Variants in MRPL44 observed in about 807,000 individuals in gnomAD.
MRPL44 encodes large ribosomal subunit protein mL44.
A neutral mutation model predicts 25.9 loss-of-function variants in MRPL44; 21 were observed. The ratio of observed to expected loss-of-function variants is 0.81; its 90% CI spans 0.58 to 1.17. The LOEUF is 1.17. Among genes scored for constraint, MRPL44 ranks in the 50% most tolerant of loss-of-function variants. The probability of loss-of-function intolerance (pLI) is 0.00; values close to 1 mark genes in which losing one functional copy is unlikely to be tolerated. For synonymous variants in MRPL44, 169 were observed against 151.0 expected (o/e 1.12, Z -0.87); for missense variants, 410 against 398.9 (o/e 1.03, Z -0.24).
chr2:223,967,257 G>A lies in MRPL44; in HGVS notation c.*223G>A. 1 of 489,832 alleles carries A rather than the reference G, an allele frequency of 2.0e-6. No homozygotes were observed. Among genetic ancestry groups the A allele is most frequent in the Non-Finnish European group, 3.6e-6 (1 of 281,026 alleles). The allele number at this position is 489,832 out of a possible 1,614,324, so 30.3% of individuals were successfully genotyped here. ...ATCTTTTTTTTTTTCTCTTGAGATG[G>A]AGTCTTACTCTGTCGCCCAGGCTGG... is the stretch of plus-strand genomic sequence containing the variant. On this transcript the variant is annotated 3_prime_UTR_variant, in exon 4 of 4. Transcript: ENST00000258383.
At chr2:223,952,152 C>G in the MRPL44 span, among the ~76,000 whole-genome samples, 1 of 152,226 alleles carries the variant, frequency 6.6e-6, no homozygotes. Flanking sequence ...ATGTCCCAGA[C>G]TCCCTAACCG....
At chr2:223,951,291 G>T in the MRPL44 span, among the ~76,000 whole-genome samples, 6 of 152,274 alleles carry the variant, frequency 3.9e-5, no homozygotes, top group Admixed American at 3.9e-4. Context: ...TACACAAAGA[G>T]AAATTATTTA....
rs148132624 is a variant in MRPL44 at position 223,959,110 on chromosome 2, A to G, written c.180-424A>G. ...GTATCCAGGAGAGTCCTTGGAACCA[A>G]TCCCCTACAGATATTGAGGGATGAC... is the stretch of plus-strand genomic sequence containing the variant. On this transcript the variant is annotated intron_variant, in intron 1 of 3. Coordinates refer to ENST00000258383, the MANE Select transcript of MRPL44 (RefSeq NM_022915.5). Among the ~76,000 whole-genome samples, 431 of 152,332 alleles carry G rather than the reference A, an allele frequency of 2.8e-3. 3 individuals are homozygous for G. Among genetic ancestry groups the G allele is most frequent in the African/African-American group, 0.01 (418 of 41,574 alleles).
At chr2:223,957,815 T>C (rs1402423227) in intron 1 of MRPL44, among the ~76,000 whole-genome samples, 164 bp downstream of exon 1, 1 of 151,890 alleles carries the variant, frequency 6.6e-6, no homozygotes, top group East Asian at 1.9e-4. Context: ...GCAAAAAAAA[T>C]GGATTTGTGC....
chr2:223,959,506 C>G, intron 1 of MRPL44, 28 bp from the exon 2 acceptor site: 1 of 1,532,954 alleles, frequency 6.5e-7, no homozygotes, highest in Non-Finnish European at 8.8e-7. Flanking sequence ...GTTCTCTTTA[C>G]CATCTCTTAC....
chr2:223,964,077 C>A, intron 3 of MRPL44, 143 bp downstream of exon 3: 1 of 597,726 alleles, frequency 1.7e-6, no homozygotes, highest in South Asian at 2.6e-5. Context: ...CTTCTAATTG[C>A]ATGAAAAGAT....
At chr2:223,957,430 C>G (rs774953865), upstream of MRPL44, 1 of 1,611,212 alleles carries the variant, frequency 6.2e-7, no homozygotes, top group Non-Finnish European at 8.5e-7. Context: ...GGGACACTGG[C>G]CCGACTACTT....
intron 1 of MRPL44, among the ~76,000 whole-genome samples, chr2:223,958,376 T>C (rs1467066572): frequency 6.6e-6 from 1 of 152,210 alleles, no homozygotes; most frequent in Non-Finnish European, 1.5e-5. Context: ...TGAAAGCTAT[T>C]AGTACTTTAA....
the MRPL44 span, among the ~76,000 whole-genome samples, chr2:223,952,365 C>T: frequency 4.6e-5 from 7 of 152,192 alleles, no homozygotes; most frequent in African/African-American, 7.2e-5. Context: ...TGGTCCCATT[C>T]GGCTCACCTA....
chr2:223,953,741 T>C (rs1360489166), upstream of MRPL44, among the ~76,000 whole-genome samples: 3 of 152,236 alleles, frequency 2.0e-5, no homozygotes, highest in Admixed American at 2.0e-4. Flanking sequence ...TTTAACCCAT[T>C]CTCTGGATTT....
intron 1 of MRPL44, among the ~76,000 whole-genome samples, chr2:223,959,126 G>A (rs1689615822): frequency 6.6e-6 from 1 of 152,194 alleles, no homozygotes; most frequent in Non-Finnish European, 1.5e-5. Flanking sequence ...TACAGATATT[G>A]AGGGATGACT....
chr2:223,955,725 A>G, upstream of MRPL44, among the ~76,000 whole-genome samples: 1 of 152,200 alleles, frequency 6.6e-6, no homozygotes, highest in East Asian at 1.9e-4. Context: ...CTTTGATCAA[A>G]TTAGGGCTAA....
intron 2 of MRPL44, among the ~76,000 whole-genome samples, chr2:223,961,884 T>C (rs1244277973): frequency 6.6e-6 from 1 of 152,226 alleles, no homozygotes; most frequent in Non-Finnish European, 1.5e-5. Flanking sequence ...ATATCTTAGA[T>C]GATGGGAAAG....
Position 223,959,446 on chromosome 2 carries a change from T to G in MRPL44, c.180-88T>G, listed in dbSNP as rs1574793842. ...ACCTTCTTTCATTTCCTTTATATAA[T>G]TAATAACATTACAACACAGTGAACA... On this transcript the variant is annotated intron_variant, in intron 1 of 3. Transcript: ENST00000258383. 8 of 987,526 alleles carry G rather than the reference T, an allele frequency of 8.1e-6. No homozygotes were observed. In the East Asian group the frequency reaches 1.9e-4, roughly 24 times the overall value. The allele number at this position is 987,526 out of a possible 1,614,324, so 61.2% of individuals were successfully genotyped here. A position where few individuals can be genotyped will look rare whatever the true frequency, so the allele number is the denominator to read the frequency against.
chr2:223,964,052 G>C lies in MRPL44; in HGVS notation c.827+118G>C. The C allele has an allele frequency of 4.0e-6, 3 of 743,182 alleles. No individual in the cohort carries two copies. In the South Asian group the frequency reaches 6.2e-5, roughly 15 times the overall value. 46.0% of individuals were successfully genotyped at this position (743,182 alleles called of 1,614,324 possible). On this transcript the variant is annotated intron_variant, in intron 3 of 3. Transcript: ENST00000258383. ...AAGGAATGTTAACATAACCTCTTCA[G>C]ATTCCTTAACGTAACTTCTAATTGC...
At position 223,957,605 on chromosome 2, in the gene MRPL44, T is replaced by A; in HGVS notation, c.133T>A (p.Leu45Ile). 6.2e-7 allele frequency: 1 copy of A among 1,612,746 alleles called. No individual in the cohort carries two copies. Among genetic ancestry groups the A allele is most frequent in the Non-Finnish European group, 8.5e-7 (1 of 1,179,930 alleles). Residue 45 changes from leucine (L) to isoleucine (I), a missense_variant, in exon 1 of 4, where the codon TTA (leucine) becomes ATA (isoleucine). Physicochemically the swap from Leu to Ile is conservative, Grantham distance 5 (BLOSUM62 2). Coordinates refer to ENST00000258383, the MANE Select transcript of MRPL44 (RefSeq NM_022915.5). ...FRAAFRFQKELERQRLLRCPP... is the reference protein window; with the variant it reads ...FRAAFRFQKEIERQRLLRCPP... Reference sequence around the variant, plus strand: ...CGCCGCCTTCCGCTTCCAGAAGGAGTTAGAGCGGCAGCGCCTTCTGCGGTG... The same window carrying A: ...CGCCGCCTTCCGCTTCCAGAAGGAGATAGAGCGGCAGCGCCTTCTGCGGTG...
rs1453843121 is a variant in MRPL44 at position 223,959,997 on chromosome 2, A to G, written c.643A>G (p.Ile215Val). The change falls in exon 2 of 4, where the codon ATC becomes GTC. Residue 215 changes from isoleucine (I) to valine (V), a missense_variant. Coordinates refer to ENST00000258383, the MANE Select transcript of MRPL44 (RefSeq NM_022915.5). Reference protein sequence around the residue: ...SSGPERTALFIRDFLITQMTG... With the variant: ...SSGPERTALFVRDFLITQMTG... ...TGGACCTGAGAGGACTGCACTTTTC[A>G]TCAGGGTACGTAACTATTAATTGGA... 2 of 1,608,488 alleles carry G rather than the reference A, an allele frequency of 1.2e-6. No individual in the cohort carries two copies. The highest frequency in any genetic ancestry group is 2.2e-5 in the South Asian group (2 of 90,604).
chr2:223,965,482 C>G (rs982957190), intron 3 of MRPL44, among the ~76,000 whole-genome samples: 2 of 152,160 alleles, frequency 1.3e-5, no homozygotes, highest in African/African-American at 4.8e-5. Context: ...AGTTGCTATG[C>G]ATTAAACTTT....
At position 223,959,829 on chromosome 2, in the gene MRPL44, T is replaced by A; in HGVS notation, c.475T>A (p.Phe159Ile). 1 of 1,614,206 alleles carries A rather than the reference T, an allele frequency of 6.2e-7. No homozygotes were observed. The highest frequency in any genetic ancestry group is 1.1e-5 in the South Asian group (1 of 91,082). The change falls in exon 2 of 4, where the codon TTT (phenylalanine) becomes ATT (isoleucine). Residue 159 changes from phenylalanine to isoleucine, a missense_variant. Phe to Ile is a conservative substitution (Grantham distance 21, BLOSUM62 0). Coordinates refer to ENST00000258383, the MANE Select transcript of MRPL44 (RefSeq NM_022915.5). ...PTEGIKNLVD[F>I]LTGEEVVCHV... Reference sequence around the variant, plus strand: ...TGAAGGCATAAAAAATCTTGTTGACTTTCTCACTGGTGAGGAAGTCGTGTG... The same window carrying A: ...TGAAGGCATAAAAAATCTTGTTGACATTCTCACTGGTGAGGAAGTCGTGTG...
Sources: gnomAD v4.1 joint callset for allele counts (sites outside exome capture counted in the v4.1 genomes callset) on GRCh38, gnomAD v4.1.1 for gene constraint, MANE v1.5 for transcripts, NCBI Gene and HGNC (gene_info 2026-07-23, HGNC 2026-07-21) for gene names.